The following SUPT16H variants were observed in gnomAD, a reference collection of about 807,000 sequenced individuals.
SUPT16H encodes FACT complex subunit SPT16.
Under a neutral mutation model 136.2 loss-of-function variants are expected in SUPT16H, and 24 were observed. The observed-to-expected ratio is 0.18, with a 90% CI of 0.13 to 0.25. The LOEUF (loss-of-function observed/expected upper bound fraction) is 0.25. SUPT16H is among the 10% of genes least tolerant of loss of function. The probability of loss-of-function intolerance (pLI) is 1.00; values close to 1 mark genes in which losing one functional copy is unlikely to be tolerated. For missense variants in SUPT16H, 623 were observed against 1,270.2 expected (o/e 0.49, Z 7.74); for synonymous variants, 415 against 428.2 (o/e 0.97, Z 0.38).
Position 21,360,988 on chromosome 14 carries a change from AT to A in SUPT16H, c.1930-17del. 1 of 1,612,062 alleles carries A rather than the reference AT, an allele frequency of 6.2e-7. No homozygotes were observed. Among genetic ancestry groups the A allele is most frequent in the Non-Finnish European group, 8.5e-7 (1 of 1,179,038 alleles). On this transcript the variant is annotated splice_polypyrimidine_tract_variant and intron_variant, in intron 16 of 25. Coordinates refer to ENST00000216297, the MANE Select transcript of SUPT16H (RefSeq NM_007192.4). ...TTACAATCCCCTAAGCAAGAAGAAA[AT>A]TAATGTGAATTGTCACATATCCTTA...
Position 21,352,716 on chromosome 14 carries a change from C to G in SUPT16H, c.3101G>C (p.Gly1034Ala). 3 of 1,614,078 alleles carry G rather than the reference C, an allele frequency of 1.9e-6. No homozygotes were observed. Among genetic ancestry groups the G allele is most frequent in the Non-Finnish European group, 2.5e-6 (3 of 1,180,008 alleles). ...VHSSGRGSNRGSRHSSAPPKK... is the reference protein window; with the variant it reads ...VHSSGRGSNRASRHSSAPPKK... ...GGGGGGTGCAGAGCTGTGTCTGGAA[C>G]CACGGTTAGAGCCACGGCCCGAACT... Residue 1034 changes from glycine to alanine, a missense_variant, in exon 26 of 26, where the codon GGT (glycine) becomes GCT (alanine). Around this residue, in one of 7 missense-constraint regions of SUPT16H, gnomAD observed 88 missense variants for 135.5 expected, o/e 0.65. Transcript: ENST00000216297.
chr14:21,378,418 C>T (rs187422433), intron 1 of SUPT16H, among the ~76,000 whole-genome samples: 2 of 152,124 alleles, frequency 1.3e-5, no homozygotes, highest in East Asian at 3.9e-4. Context: ...TCTATATGAA[C>T]ATAAACAATG....
chr14:21,363,407 T>G (rs1464629965), intron 11 of SUPT16H, 31 bp downstream of exon 11: 1 of 1,611,162 alleles, frequency 6.2e-7, no homozygotes, highest in East Asian at 2.2e-5. Flanking sequence ...TATCCTAAAC[T>G]TCCTATACTA....
chr14:21,353,966 AT>A, intron 23 of SUPT16H, 134 bp from the exon 24 acceptor site: 1 of 768,520 alleles, frequency 1.3e-6, no homozygotes, highest in Non-Finnish European at 2.0e-6. Context: ...GGATCAAGAG[AT>A]AAAATGACTT....
At chr14:21,353,858 T>C (rs981357220) in intron 23 of SUPT16H, 26 bp from the exon 24 acceptor site, 3 of 1,530,106 alleles carry the variant, frequency 2.0e-6, no homozygotes, top group South Asian at 1.2e-5. Flanking sequence ...ATAATACTGA[T>C]TTTTTTTTGA....
In SUPT16H at chr14:21,373,503, T is replaced by C. The variant is rs1300682861; in HGVS notation, c.67-73A>G. 12 of 1,092,408 alleles carry C rather than the reference T, an allele frequency of 1.1e-5. No individual in the cohort carries two copies. In the Admixed American group the frequency reaches 1.9e-4, roughly 17 times the overall value. 67.7% of individuals were successfully genotyped at this position (1,092,408 alleles called of 1,614,324 possible). ...AGGAATACAGCCTTCAATATTTATC[T>C]AGGACAGGCATAATTTTCTCCTGAT... On this transcript the variant is annotated intron_variant, in intron 1 of 25. Transcript: ENST00000216297.
intron 8 of SUPT16H, 100 bp downstream of exon 8, chr14:21,366,339 A>G: frequency 3.6e-6 from 4 of 1,097,716 alleles, no homozygotes; most frequent in Non-Finnish European, 5.4e-6. Flanking sequence ...TAGTCCATAA[A>G]TGTTGGCTGA....
intron 6 of SUPT16H, 46 bp downstream of exon 6, chr14:21,369,158 T>C (rs2139410248): frequency 6.4e-7 from 1 of 1,570,396 alleles, no homozygotes; most frequent in South Asian, 1.2e-5. Flanking sequence ...AAAGAAAAAA[T>C]AGGCTAAAGT....
chr14:21,360,767 A>G (rs531630266), intron 17 of SUPT16H, 79 bp downstream of exon 17: 7 of 1,546,588 alleles, frequency 4.5e-6, no homozygotes, highest in African/African-American at 4.1e-5. Context: ...GCTCTTTGTC[A>G]TATTTTATTA....
chr14:21,355,168 G>A (rs906288593), intron 22 of SUPT16H, among the ~76,000 whole-genome samples: 7 of 151,860 alleles, frequency 4.6e-5, no homozygotes, highest in African/African-American at 7.3e-5. Flanking sequence ...CCACTTCTGC[G>A]ATTCTGTTTT....
chr14:21,366,495 C>A lies in SUPT16H; in HGVS notation c.990G>T (p.Met330Ile), dbSNP rs746301647. ...CTGGCTTCTGCTTTTTAACCACGTCCATGACAGCGTTATACACGTCACATA... is the reference window on the plus strand; with the variant it reads ...CTGGCTTCTGCTTTTTAACCACGTCAATGACAGCGTTATACACGTCACATA... Reference protein sequence around the residue: ...VKICDVYNAVMDVVKKQKPEL... With the variant: ...VKICDVYNAVIDVVKKQKPEL... Residue 330 changes from methionine to isoleucine, a missense_variant, in exon 8 of 26, where the codon ATG becomes ATT. By Grantham distance (10) the Met-to-Ile change is conservative. Coordinates refer to ENST00000216297, the MANE Select transcript of SUPT16H (RefSeq NM_007192.4). 1.9e-6 allele frequency: 3 copies of A among 1,614,118 alleles called. No individual in the cohort carries two copies. Among genetic ancestry groups the A allele is most frequent in the Non-Finnish European group, 2.5e-6 (3 of 1,180,032 alleles).
chr14:21,367,242 C>T (rs1342899094), intron 7 of SUPT16H, among the ~76,000 whole-genome samples: 3 of 152,170 alleles, frequency 2.0e-5, no homozygotes, highest in Non-Finnish European at 4.4e-5. Context: ...CGATCCCATT[C>T]TTAATCATAC....
Position 21,360,970 on chromosome 14 carries a change from C to G in SUPT16H, c.1932G>C (p.Gly644=), listed in dbSNP as rs3762158. 1,485,754 of 1,613,616 alleles carry G rather than the reference C, an allele frequency of 0.92. 685,577 individuals are homozygous for G. The highest frequency in any genetic ancestry group is 0.94 in the Non-Finnish European group (1,104,391 of 1,179,786). ...TCACCAGTGAGTCTTGTTTTACAATCCCCTAAGCAAGAAGAAAATTAATGT... is the reference window on the plus strand; with the variant it reads ...TCACCAGTGAGTCTTGTTTTACAATGCCCTAAGCAAGAAGAAAATTAATGT... ...TREAEEKEKE[G]IVKQDSLVIN... Residue 644 remains glycine (G), a splice_region_variant and synonymous_variant, in exon 17 of 26, where the codon GGG becomes GGC. Coordinates refer to ENST00000216297, the MANE Select transcript of SUPT16H (RefSeq NM_007192.4).
At chr14:21,360,810 A>T in intron 17 of SUPT16H, 36 bp downstream of exon 17, 1 of 1,587,444 alleles carries the variant, frequency 6.3e-7, no homozygotes. Flanking sequence ...ATGTGCCCTG[A>T]AGAGAAAGCC....
At chr14:21,353,601 G>A (rs546415800) in intron 24 of SUPT16H, 36 bp from the exon 25 acceptor site, 7 of 1,610,086 alleles carry the variant, frequency 4.3e-6, no homozygotes, top group African/African-American at 2.7e-5. Context: ...GTCATCATGC[G>A]GGAACAGAAT....
At chr14:21,357,822 A>G in intron 21 of SUPT16H, 105 bp downstream of exon 21, 3 of 1,161,252 alleles carry the variant, frequency 2.6e-6, no homozygotes, top group Non-Finnish European at 3.7e-6. Context: ...TTTAAGTCTA[A>G]GTAAATATCA....
chr14:21,356,151 G>A (rs1368257349), intron 22 of SUPT16H, among the ~76,000 whole-genome samples: 5 of 152,304 alleles, frequency 3.3e-5, no homozygotes, highest in African/African-American at 1.2e-4. Context: ...AGAATTTGTG[G>A]AGAAGAGTAC....
At chr14:21,370,234 T>G (rs1408135246) in intron 4 of SUPT16H, 102 bp downstream of exon 4, 1 of 1,400,978 alleles carries the variant, frequency 7.1e-7, no homozygotes, top group South Asian at 1.4e-5. Context: ...TAAACAAACA[T>G]ACAGTTTTCC....
intron 15 of SUPT16H, among the ~76,000 whole-genome samples, chr14:21,361,773 A>T (rs1051182858): frequency 6.6e-6 from 1 of 151,008 alleles, no homozygotes; most frequent in East Asian, 1.9e-4. Flanking sequence ...TTTCATAATT[A>T]TTTTTTTTTT....
Sources: gnomAD v4.1 joint callset for allele counts (sites outside exome capture counted in the v4.1 genomes callset) on GRCh38, gnomAD v4.1.1 for gene constraint, gnomAD v4.1.1 regional missense constraint, MANE v1.5 for transcripts, NCBI Gene and HGNC (gene_info 2026-07-23, HGNC 2026-07-21) for gene names.